Variants in GALNT13 observed in about 807,000 individuals in gnomAD.
The protein encoded by GALNT13 is polypeptide N-acetylgalactosaminyltransferase 13.
A neutral mutation model predicts 64.2 loss-of-function variants in GALNT13; 28 were observed. The ratio of observed to expected loss-of-function variants is 0.44; its 90% CI spans 0.32 to 0.60. The LOEUF (loss-of-function observed/expected upper bound fraction) is 0.60, where lower values mean the gene tolerates loss of function less well. Ranked by LOEUF, GALNT13 falls within the 20% of genes least tolerant of loss-of-function variation. The probability of loss-of-function intolerance (pLI) is 0.05; values close to 1 mark genes in which losing one functional copy is unlikely to be tolerated. For missense variants in GALNT13, 577 were observed against 669.8 expected (o/e 0.86, Z 1.53); for synonymous variants, 214 against 224.6 (o/e 0.95, Z 0.42).
At chr2:153,358,638 G>C in the GALNT13 span, among the ~76,000 whole-genome samples, 1 of 152,214 alleles carries the variant, frequency 6.6e-6, no homozygotes, top group East Asian at 1.9e-4. Context: ...AATTAGGCCA[G>C]AGCAATTCAT....
chr2:153,586,802 C>T, the GALNT13 span, among the ~76,000 whole-genome samples: 1 of 151,880 alleles, frequency 6.6e-6, no homozygotes, highest in South Asian at 2.1e-4. Context: ...AGTCTCAGTA[C>T]ATTTTTTAGA....
At chr2:153,113,647 T>C in the GALNT13 span, among the ~76,000 whole-genome samples, 1 of 152,030 alleles carries the variant, frequency 6.6e-6, no homozygotes, top group Non-Finnish European at 1.5e-5. Context: ...AACAGCACCA[T>C]CCCTGGGTAA....
the GALNT13 span, among the ~76,000 whole-genome samples, chr2:153,656,674 G>A: frequency 4.6e-5 from 7 of 152,082 alleles, no homozygotes; most frequent in African/African-American, 1.7e-4. Context: ...TGCCATCTAG[G>A]TTATTTGAAG....
At chr2:153,720,962 G>T in the GALNT13 span, among the ~76,000 whole-genome samples, 3 of 151,952 alleles carry the variant, frequency 2.0e-5, no homozygotes, top group Non-Finnish European at 4.4e-5. Flanking sequence ...TACAGAGAAC[G>T]CCACAAAGAT....
chr2:153,980,011 CTTAAAAG>C (rs1354381079), intron 3 of GALNT13, among the ~76,000 whole-genome samples: 4 of 152,136 alleles, frequency 2.6e-5, no homozygotes, highest in Non-Finnish European at 5.9e-5. Flanking sequence ...TAATATTAAA[CTTAAAAG>C]TTAAAGACAG....
At chr2:153,162,268 T>A in the GALNT13 span, among the ~76,000 whole-genome samples, 1 of 152,206 alleles carries the variant, frequency 6.6e-6, no homozygotes, top group African/African-American at 2.4e-5. Flanking sequence ...ATATGTAGTT[T>A]TAATTTTAGC....
At chr2:154,092,467 A>G (rs538431894) in intron 3 of GALNT13, among the ~76,000 whole-genome samples, 1 of 152,162 alleles carries the variant, frequency 6.6e-6, no homozygotes, top group South Asian at 2.1e-4. Flanking sequence ...AAAAGCATCT[A>G]CCCAATTTGA....
the GALNT13 span, among the ~76,000 whole-genome samples, chr2:153,732,723 T>C: frequency 6.6e-6 from 1 of 152,080 alleles, no homozygotes; most frequent in Non-Finnish European, 1.5e-5. Context: ...TGATTGCTTA[T>C]CCAAGTATTG....
At chr2:153,501,215 A>C in the GALNT13 span, among the ~76,000 whole-genome samples, 7 of 152,248 alleles carry the variant, frequency 4.6e-5, 1 homozygote, top group East Asian at 1.3e-3. Context: ...TTTTCAAAGA[A>C]GGCAAAGCTT....
chr2:153,202,537 TACTTC>T, the GALNT13 span, among the ~76,000 whole-genome samples: 1 of 152,196 alleles, frequency 6.6e-6, no homozygotes, highest in African/African-American at 2.4e-5. Context: ...CCACAATCCT[TACTTC>T]ACATTTGAAA....
the GALNT13 span, among the ~76,000 whole-genome samples, chr2:153,076,012 G>T: frequency 3.7e-4 from 57 of 152,176 alleles, no homozygotes; most frequent in Non-Finnish European, 4.1e-4. Context: ...TATTAAATCA[G>T]TCTGCTATTG....
chr2:153,603,721 G>T, the GALNT13 span, among the ~76,000 whole-genome samples: 1 of 151,538 alleles, frequency 6.6e-6, no homozygotes. Flanking sequence ...TCTCCTTTAG[G>T]GTATCAATAT....
At chr2:153,839,891 T>C in the GALNT13 span, among the ~76,000 whole-genome samples, 1 of 152,018 alleles carries the variant, frequency 6.6e-6, no homozygotes, top group Non-Finnish European at 1.5e-5. Context: ...AGCTAGTAAG[T>C]GTACTGCCAA....
rs151092678 is a variant in GALNT13 at position 154,273,430 on chromosome 2, G to C, written c.975+14292G>C. Reference sequence around the variant, plus strand: ...GATCACAAATAGCCTGAAGAATTGGGAGGGTTAGGAGAGAGGTCATCCTCT... The same window carrying C: ...GATCACAAATAGCCTGAAGAATTGGCAGGGTTAGGAGAGAGGTCATCCTCT... On this transcript the variant is annotated intron_variant, in intron 8 of 12. Coordinates refer to ENST00000392825, the MANE Select transcript of GALNT13 (RefSeq NM_052917.4). 7.5e-3 allele frequency among the ~76,000 whole-genome samples: 1,148 copies of C among 152,278 alleles called. 19 individuals are homozygous for C. The highest frequency in any genetic ancestry group is 0.025 in the African/African-American group (1,047 of 41,564).
At chr2:153,151,377 T>A in the GALNT13 span, among the ~76,000 whole-genome samples, 5 of 152,138 alleles carry the variant, frequency 3.3e-5, no homozygotes, top group Non-Finnish European at 7.3e-5. Flanking sequence ...TTTACACTGT[T>A]GGTGGGACTG....
At chr2:153,542,070 C>G in the GALNT13 span, among the ~76,000 whole-genome samples, 3 of 152,088 alleles carry the variant, frequency 2.0e-5, no homozygotes, top group African/African-American at 7.2e-5. Flanking sequence ...GTAAACCCAG[C>G]ATTTTGGGAG....
At chr2:153,870,595 G>A (rs1685859337), upstream of GALNT13, among the ~76,000 whole-genome samples, 1 of 151,706 alleles carries the variant, frequency 6.6e-6, no homozygotes, top group African/African-American at 2.4e-5. Context: ...ATTGACGGTA[G>A]GGCAGGATGG....
intron 7 of GALNT13, among the ~76,000 whole-genome samples, chr2:154,254,543 A>C (rs1690262715): frequency 6.6e-6 from 1 of 152,186 alleles, no homozygotes; most frequent in Non-Finnish European, 1.5e-5. Flanking sequence ...GAAGACTAAA[A>C]GTATCACTAT....
intron 2 of GALNT13, among the ~76,000 whole-genome samples, chr2:153,914,859 A>G (rs1001220900): frequency 2.0e-5 from 3 of 152,052 alleles, no homozygotes; most frequent in Non-Finnish European, 4.4e-5. Context: ...ATTCTGGACA[A>G]TCCTCCAGTG....
Sources: gnomAD v4.1 joint callset for allele counts (sites outside exome capture counted in the v4.1 genomes callset) on GRCh38, gnomAD v4.1.1 for gene constraint, MANE v1.5 for transcripts, NCBI Gene and HGNC (gene_info 2026-07-23, HGNC 2026-07-21) for gene names.